LRRC37A2: variants seen among roughly 807,000 people sequenced by gnomAD.
LRRC37A2 encodes the protein leucine-rich repeat-containing protein 37A2.
In LRRC37A2, 9 loss-of-function variants were observed where a neutral mutation model predicts 68.8. That is an observed-to-expected ratio of 0.13 (90% CI 0.08 to 0.23). LRRC37A2 has a LOEUF of 0.23. Among genes scored for constraint, LRRC37A2 ranks in the 10% least tolerant of loss-of-function variants. The pLI, the probability that LRRC37A2 is intolerant of heterozygous loss-of-function variation, is 1.00. For synonymous variants in LRRC37A2, 63 were observed against 367.6 expected (o/e 0.17, Z 9.48); for missense variants, 168 against 950.4 (o/e 0.18, Z 10.82).
At chr17:46,947,538 C>T in the LRRC37A2 span, among the ~76,000 whole-genome samples, 5 of 152,138 alleles carry the variant, frequency 3.3e-5, no homozygotes, top group Admixed American at 6.5e-5. Flanking sequence ...CCTAGGAAGA[C>T]CTGGACATGA....
At chr17:46,891,233 C>T in the LRRC37A2 span, among the ~76,000 whole-genome samples, 27 of 152,172 alleles carry the variant, frequency 1.8e-4, no homozygotes, top group Non-Finnish European at 3.7e-4. Context: ...CTTTGTGTAG[C>T]GCATTCCTGT....
chr17:46,851,670 G>A, the LRRC37A2 span: 1 of 1,308,972 alleles, frequency 7.6e-7, no homozygotes, highest in Non-Finnish European at 9.7e-7. This position sits in a 1 kb window ranked among gnomAD's most constrained non-coding sequence, Gnocchi z 4.3. Context: ...GCCCTGGCCG[G>A]GCTCTGCCTG....
chr17:46,832,449 C>G, the LRRC37A2 span, among the ~76,000 whole-genome samples: 1 of 151,936 alleles, frequency 6.6e-6, no homozygotes, highest in Non-Finnish European at 1.5e-5. Context: ...GAAAGAAAGA[C>G]CTCCTGCCAG....
the LRRC37A2 span, among the ~76,000 whole-genome samples, chr17:46,404,673 T>G: frequency 0.025 from 2,281 of 89,906 alleles, 1 homozygote; most frequent in Non-Finnish European, 0.046. Context: ...ATCGAGACCA[T>G]CCTGGCTAAC....
the LRRC37A2 span, among the ~76,000 whole-genome samples, chr17:46,813,685 A>T: frequency 2.0e-5 from 3 of 152,082 alleles, no homozygotes; most frequent in African/African-American, 7.2e-5. Context: ...TGTTAGCTGC[A>T]TCCTCCTCTG....
At chr17:46,801,877 C>T in the LRRC37A2 span, among the ~76,000 whole-genome samples, 1 of 152,134 alleles carries the variant, frequency 6.6e-6, no homozygotes, top group Non-Finnish European at 1.5e-5. Flanking sequence ...CAGTTCGACC[C>T]TAGTGGAACT....
chr17:46,915,312 T>C, the LRRC37A2 span, among the ~76,000 whole-genome samples: 1 of 152,196 alleles, frequency 6.6e-6, no homozygotes, highest in Non-Finnish European at 1.5e-5. Context: ...CTTTCCAGCA[T>C]GGTGGCCTCA....
At chr17:46,952,885 C>T in the LRRC37A2 span, 3 of 152,000 alleles carry the variant, frequency 2.0e-5, no homozygotes, top group Non-Finnish European at 2.9e-5. Context: ...CAGTGCAAAC[C>T]TCCACAAAAC....
the LRRC37A2 span, chr17:46,940,780 A>T: frequency 1.3e-6 from 2 of 1,513,272 alleles, no homozygotes; most frequent in East Asian, 4.9e-5. Context: ...GTTTGGAATA[A>T]AAATTGCAGA....
At chr17:46,946,883 T>G in the LRRC37A2 span, among the ~76,000 whole-genome samples, 6 of 152,044 alleles carry the variant, frequency 3.9e-5, no homozygotes, top group East Asian at 1.2e-3. Context: ...AAACAAAAAT[T>G]ATGAGATGTC....
the LRRC37A2 span, chr17:46,937,491 C>A: frequency 2.0e-5 from 3 of 152,132 alleles, no homozygotes; most frequent in Non-Finnish European, 4.4e-5. Flanking sequence ...TTTTACAATT[C>A]AGTGAATTTG....
chr17:46,544,014 G>T (rs1006079463), intron 8 of LRRC37A2, among the ~76,000 whole-genome samples: 4 of 133,138 alleles, frequency 3.0e-5, no homozygotes, highest in African/African-American at 1.4e-4. Flanking sequence ...GTACTCAGGA[G>T]GCTGAGGTGG....
the LRRC37A2 span, among the ~76,000 whole-genome samples, chr17:46,852,042 A>C: frequency 6.6e-6 from 1 of 152,174 alleles, no homozygotes; most frequent in Non-Finnish European, 1.5e-5. Context: ...CCGCCCGTTC[A>C]GGCGTCAGTC....
the LRRC37A2 span, chr17:47,021,806 T>G: frequency 3.9e-6 from 5 of 1,294,852 alleles, no homozygotes; most frequent in Admixed American, 1.7e-5. Context: ...TCGTGTTCAT[T>G]GTTTTCCTAC....
At chr17:46,724,017 C>G in the LRRC37A2 span, among the ~76,000 whole-genome samples, 1 of 152,278 alleles carries the variant, frequency 6.6e-6, no homozygotes, top group South Asian at 2.1e-4. Flanking sequence ...TCTCACCTAC[C>G]ACTCCACTGC....
At chr17:46,622,801 T>G in the LRRC37A2 span, among the ~76,000 whole-genome samples, 1 of 150,324 alleles carries the variant, frequency 6.7e-6, no homozygotes, top group African/African-American at 2.5e-5. Context: ...AATAAGAAAT[T>G]GTGTAAAGTC....
chr17:46,993,139 T>C, the LRRC37A2 span, among the ~76,000 whole-genome samples: 1 of 151,676 alleles, frequency 6.6e-6, no homozygotes, highest in Non-Finnish European at 1.5e-5. Context: ...TATCTTATAA[T>C]AAATGCAAAA....
chr17:47,025,288 T>G, the LRRC37A2 span, among the ~76,000 whole-genome samples: 245 of 152,276 alleles, frequency 1.6e-3, 4 homozygotes, highest in South Asian at 0.016. Context: ...AACTTCAGAT[T>G]GTTGCCTAAA....
At chr17:46,748,754 A>G in the LRRC37A2 span, among the ~76,000 whole-genome samples, 1 of 152,204 alleles carries the variant, frequency 6.6e-6, no homozygotes, top group East Asian at 1.9e-4. Context: ...GTTTGAACAT[A>G]CTGAAAGGAG....
Sources: gnomAD v4.1 joint callset for allele counts (sites outside exome capture counted in the v4.1 genomes callset) on GRCh38, gnomAD v4.1.1 for gene constraint, Gnocchi (gnomAD v3.1) non-coding constraint, MANE v1.5 for transcripts, NCBI Gene and HGNC (gene_info 2026-07-23, HGNC 2026-07-21) for gene names.